ZBTB20: variants seen among roughly 807,000 people sequenced by gnomAD.
ZBTB20 encodes the protein zinc finger and BTB domain-containing protein 20.
In ZBTB20, 9 loss-of-function variants were observed where a neutral mutation model predicts 56.9. The ratio of observed to expected loss-of-function variants is 0.16; its 90% CI spans 0.10 to 0.28. The LOEUF (loss-of-function observed/expected upper bound fraction) is 0.28. Among genes scored for constraint, ZBTB20 ranks in the 10% least tolerant of loss-of-function variants. The pLI is 1.00. For synonymous variants in ZBTB20, 417 were observed against 420.7 expected, an observed-to-expected ratio of 0.99 and a Z score of 0.11; for missense variants, 655 against 1,003.0, an observed-to-expected ratio of 0.65 and a Z score of 4.69.
intron 2 of ZBTB20, among the ~76,000 whole-genome samples, chr3:115,026,481 T>C (rs1401815798): frequency 1.3e-5 from 2 of 151,048 alleles, no homozygotes; most frequent in African/African-American, 2.4e-5. Context: ...TATAGAGTTA[T>C]TGTGACAATC....
intron 5 of ZBTB20, among the ~76,000 whole-genome samples, chr3:114,766,276 C>G (rs11719781): frequency 6.6e-6 from 1 of 151,946 alleles, no homozygotes; most frequent in Non-Finnish European, 1.5e-5. Flanking sequence ...AGAGTGTTAT[C>G]AATCTGAAAT....
intron 6 of ZBTB20, among the ~76,000 whole-genome samples, chr3:114,678,969 G>T (rs1326308285): frequency 6.6e-6 from 1 of 152,020 alleles, no homozygotes; most frequent in Non-Finnish European, 1.5e-5. Context: ...ATGAGCTGAG[G>T]GCATATCATG....
Position 114,350,522 on chromosome 3 carries a change from C to T in ZBTB20, c.1556G>A (p.Ser519Asn). Residue 519 changes from serine (S) to asparagine (N), a missense_variant, in exon 11 of 12, where the codon AGT becomes AAT. By Grantham distance (46) the Ser-to-Asn change is conservative. Transcript: ENST00000675478. The part of the protein sequence containing the change: ...PALFTTQPAG[S>N]GPKPFLFSLP... ...GCTGAAGAGGAAAGGCTTGGGGCCA[C>T]TGCCCGCGGGCTGGGTAGTGAAGAG... 1 of 1,614,134 alleles carries T rather than the reference C, an allele frequency of 6.2e-7. No homozygotes were observed. Among genetic ancestry groups the T allele is most frequent in the Non-Finnish European group, 8.5e-7 (1 of 1,180,018 alleles).
intron 2 of ZBTB20, among the ~76,000 whole-genome samples, chr3:115,027,103 C>T (rs4682168): frequency 0.97 from 146,331 of 150,942 alleles, 71,104 homozygotes; most frequent in East Asian, 1. Flanking sequence ...CATTTAGGTA[C>T]TGTCAAAAAT....
intron 5 of ZBTB20, among the ~76,000 whole-genome samples, chr3:114,755,192 T>C (rs80288144): frequency 0.034 from 5,214 of 152,220 alleles, 144 homozygotes; most frequent in African/African-American, 0.07. Flanking sequence ...TACAAGGTAA[T>C]ATAATAATAA....
At chr3:114,347,305 G>A (rs2080276304) in intron 11 of ZBTB20, among the ~76,000 whole-genome samples, 1 of 151,734 alleles carries the variant, frequency 6.6e-6, no homozygotes, top group Admixed American at 6.6e-5. Flanking sequence ...CAGGTCTATT[G>A]GTTTGCATAG....
At chr3:114,749,508 G>A (rs563403506) in intron 5 of ZBTB20, among the ~76,000 whole-genome samples, 3 of 151,388 alleles carry the variant, frequency 2.0e-5, no homozygotes, top group South Asian at 2.1e-4. Flanking sequence ...AGCCGAGATC[G>A]CACCATTGCA....
At chr3:115,026,730 C>T (rs145330506) in intron 2 of ZBTB20, among the ~76,000 whole-genome samples, 4 of 150,884 alleles carry the variant, frequency 2.7e-5, no homozygotes, top group African/African-American at 9.7e-5. Flanking sequence ...GACTCTGTGC[C>T]TCTTTTTACC....
chr3:114,992,027 A>G (rs1158268807), intron 2 of ZBTB20, among the ~76,000 whole-genome samples: 1 of 151,090 alleles, frequency 6.6e-6, no homozygotes, highest in African/African-American at 2.4e-5. Flanking sequence ...TTTCTCTCCT[A>G]AACTTTTTTT....
chr3:114,372,476 A>G (rs1458803269), intron 10 of ZBTB20, among the ~76,000 whole-genome samples: 3 of 152,180 alleles, frequency 2.0e-5, no homozygotes, highest in Non-Finnish European at 4.4e-5. Flanking sequence ...ATCCATGACA[A>G]AGTTCCAGCA....
chr3:115,086,459 C>T (rs2082988532), intron 1 of ZBTB20, among the ~76,000 whole-genome samples: 1 of 151,720 alleles, frequency 6.6e-6, no homozygotes, highest in African/African-American at 2.4e-5. Flanking sequence ...TATATTCTAA[C>T]AATTAGCCTG....
intron 5 of ZBTB20, among the ~76,000 whole-genome samples, chr3:114,709,933 C>T (rs961004335): frequency 2.6e-5 from 4 of 152,120 alleles, no homozygotes; most frequent in Non-Finnish European, 5.9e-5. Context: ...ATCTTGAATG[C>T]CCTGACTGCT....
In ZBTB20 at chr3:114,948,236, A is replaced by C. The variant is rs775008108; in HGVS notation, c.-456+26130T>G. Among the ~76,000 whole-genome samples, 48 of 145,744 alleles carry C rather than the reference A, an allele frequency of 3.3e-4. 4 individuals are homozygous for C. Among genetic ancestry groups the C allele is most frequent in the Admixed American group, 1.1e-3 (17 of 15,126 alleles). On this transcript the variant is annotated intron_variant, in intron 3 of 11. Coordinates refer to ENST00000675478, the MANE Select transcript of ZBTB20 (RefSeq NM_001348800.3). ...GTGAATATTCCTTATGATTTAAAAA[A>C]AAAACAAAACAGACAACACAGAAAC...
At chr3:114,816,809 A>G (rs1024727184) in intron 4 of ZBTB20, among the ~76,000 whole-genome samples, 2 of 152,172 alleles carry the variant, frequency 1.3e-5, no homozygotes, top group Admixed American at 6.5e-5. Flanking sequence ...AGATTCAGAA[A>G]GCAATGATTT....
At chr3:114,489,062 T>TAATA (rs1267895844) in intron 7 of ZBTB20, among the ~76,000 whole-genome samples, 1 of 152,174 alleles carries the variant, frequency 6.6e-6, no homozygotes, top group Non-Finnish European at 1.5e-5. Context: ...CCTAAGTTAT[T>TAATA]AATAGTGATT....
chr3:115,010,623 G>C (rs2079661435), intron 2 of ZBTB20, among the ~76,000 whole-genome samples: 1 of 151,904 alleles, frequency 6.6e-6, no homozygotes. Flanking sequence ...ATATTTCTTA[G>C]ATCACAACAT....
At position 114,504,153 on chromosome 3, in the gene ZBTB20, G is replaced by C. The variant is rs115298601; in HGVS notation, c.-294-3762C>G. Among the ~76,000 whole-genome samples the C allele has an allele frequency of 3.5e-3, 536 of 152,252 alleles. 1 individual carries two copies. The highest frequency in any genetic ancestry group is 5.9e-3 in the Non-Finnish European group (400 of 68,006). ...AAAAAAGAGTTCTAAGTGGGTAAGGGTATGTGGTTAGAGCCACACAGGCTT... is the reference window on the plus strand; with the variant it reads ...AAAAAAGAGTTCTAAGTGGGTAAGGCTATGTGGTTAGAGCCACACAGGCTT... On this transcript the variant is annotated intron_variant, in intron 6 of 11. Transcript: ENST00000675478.
At chr3:114,608,143 C>A (rs2057306075) in intron 6 of ZBTB20, among the ~76,000 whole-genome samples, 1 of 152,000 alleles carries the variant, frequency 6.6e-6, no homozygotes, top group Non-Finnish European at 1.5e-5. Context: ...AACAAGGATG[C>A]TTTAAAAAAA....
intron 6 of ZBTB20, among the ~76,000 whole-genome samples, chr3:114,675,974 G>A (rs753856924): frequency 2.1e-4 from 31 of 150,946 alleles, no homozygotes; most frequent in Non-Finnish European, 4.1e-4. Flanking sequence ...AACTCTACCA[G>A]AGAGTACTGT....
Sources: gnomAD v4.1 joint callset for allele counts (sites outside exome capture counted in the v4.1 genomes callset) on GRCh38, gnomAD v4.1.1 for gene constraint, MANE v1.5 for transcripts, NCBI Gene and HGNC (gene_info 2026-07-23, HGNC 2026-07-21) for gene names.